Variants in CGGBP1 observed in about 807,000 individuals in gnomAD.
CGGBP1 encodes the protein CGG triplet repeat-binding protein 1.
Under a neutral mutation model 11.4 loss-of-function variants are expected in CGGBP1, and 4 were observed. The observed-to-expected ratio is 0.35, with a 90% confidence interval of 0.17 to 0.80. CGGBP1 has a LOEUF of 0.80. Ranked by LOEUF, CGGBP1 falls within the 30% of genes least tolerant of loss-of-function variation. The pLI is 0.52. For missense variants in CGGBP1, 135 were observed against 202.1 expected (o/e 0.67, Z 2.01); for synonymous variants, 76 against 74.1 (o/e 1.03, Z -0.13).
At chr3:88,132,635 G>A (rs1192856873) in intron 2 of CGGBP1, among the ~76,000 whole-genome samples, 2 of 152,136 alleles carry the variant, frequency 1.3e-5, no homozygotes, top group East Asian at 1.9e-4. Flanking sequence ...AATCCATAGT[G>A]GTAGTCTTCT....
At chr3:88,099,528 A>C (rs1704275636) in intron 2 of CGGBP1, among the ~76,000 whole-genome samples, 1 of 147,348 alleles carries the variant, frequency 6.8e-6, no homozygotes, top group East Asian at 2.1e-4. Context: ...AGACAATCCT[A>C]AGCCAAAGAA....
At chr3:88,095,451 A>G (rs755287986) in intron 2 of CGGBP1, 2 of 363,456 alleles carry the variant, frequency 5.5e-6, no homozygotes, top group South Asian at 2.2e-5. Flanking sequence ...TGTATCCTCA[A>G]GGTACGCATG....
chr3:88,123,740 G>A (rs557498222), intron 2 of CGGBP1, among the ~76,000 whole-genome samples: 1 of 152,268 alleles, frequency 6.6e-6, no homozygotes, highest in East Asian at 1.9e-4. Flanking sequence ...TAGAAAGATG[G>A]ATTGTCCCAG....
In CGGBP1 at chr3:88,123,079, A is replaced by G. The variant is rs138576347; in HGVS notation, c.-229+17891T>C. Among the ~76,000 whole-genome samples the G allele has an allele frequency of 8.7e-4, 133 of 152,090 alleles. 2 individuals carry two copies. Among genetic ancestry groups the G allele is most frequent in the Admixed American group, 7.6e-3 (116 of 15,264 alleles). Reference sequence around the variant, plus strand: ...GTGTATATATACCCTAGGAGAGAATAAGTTGTGCATTCTACAGTAATTTAA... The same window carrying G: ...GTGTATATATACCCTAGGAGAGAATGAGTTGTGCATTCTACAGTAATTTAA... On this transcript the variant is annotated intron_variant, in intron 2 of 3. Coordinates refer to the CGGBP1 transcript ENST00000462901.
At chr3:88,141,854 C>T in intron 1 of CGGBP1, 1 of 409,082 alleles carries the variant, frequency 2.4e-6, no homozygotes, top group Admixed American at 4.2e-5. Flanking sequence ...TATAAAACTC[C>T]CAAAGTACCA....
chr3:88,144,680 T>G (rs1707271967), intron 1 of CGGBP1: 1 of 152,420 alleles, frequency 6.6e-6, no homozygotes, highest in Non-Finnish European at 1.5e-5. Flanking sequence ...CAATTTTATG[T>G]AGTATATTGC....
At chr3:88,125,197 A>G (rs1171059805) in intron 2 of CGGBP1, among the ~76,000 whole-genome samples, 2 of 151,776 alleles carry the variant, frequency 1.3e-5, no homozygotes, top group Non-Finnish European at 2.9e-5. Flanking sequence ...CCTGGGCATC[A>G]AAGTTAAGAC....
At chr3:88,140,840 T>C (rs1707083056) in intron 2 of CGGBP1, 11 of 1,613,742 alleles carry the variant, frequency 6.8e-6, no homozygotes, top group Non-Finnish European at 9.3e-6. Context: ...GTTACCTTGA[T>C]GAACGGTATC....
At chr3:88,146,271 C>A (rs907669845) in intron 1 of CGGBP1, among the ~76,000 whole-genome samples, 5 of 152,030 alleles carry the variant, frequency 3.3e-5, no homozygotes, top group Admixed American at 1.3e-4. Context: ...CAATAAAGTT[C>A]TTTGTATTTC....
chr3:88,134,447 G>T (rs142111943), intron 2 of CGGBP1, among the ~76,000 whole-genome samples: 81 of 151,930 alleles, frequency 5.3e-4, no homozygotes, highest in Non-Finnish European at 8.8e-4. Context: ...CATATGATTT[G>T]CCTTTGCCTA....
intron 2 of CGGBP1, chr3:88,140,451 A>G (rs779021430): frequency 6.2e-7 from 1 of 1,613,696 alleles, no homozygotes. Flanking sequence ...AAAGACATGT[A>G]TAGAAAGTAT....
intron 2 of CGGBP1, among the ~76,000 whole-genome samples, chr3:88,127,866 C>T (rs1433837335): frequency 6.6e-6 from 1 of 152,076 alleles, no homozygotes; most frequent in East Asian, 1.9e-4. Flanking sequence ...AGGGGAAAGA[C>T]CAGAGTGAAG....
At chr3:88,098,717 C>T (rs1323614702) in intron 2 of CGGBP1, among the ~76,000 whole-genome samples, 4 of 152,058 alleles carry the variant, frequency 2.6e-5, no homozygotes, top group Non-Finnish European at 5.9e-5. Context: ...ATAAACAGAA[C>T]CAAAGACAAA....
rs762327231 is a variant in CGGBP1 at position 88,139,623 on chromosome 3, G to A, written c.-229+1347C>T. 5 of 1,613,596 alleles carry A rather than the reference G, an allele frequency of 3.1e-6. No homozygotes were observed. The South Asian group carries it at 5.5e-5, about 18-fold the overall frequency. On this transcript the variant is annotated intron_variant, in intron 2 of 3. Coordinates refer to the CGGBP1 transcript ENST00000462901. ...TACTGCTTCTAGTGAAGGAAACAAA[G>A]AAGTCATCCCTGAGCATGTGGCTGA...
chr3:88,130,067 A>T (rs1369827746), intron 2 of CGGBP1, among the ~76,000 whole-genome samples: 1 of 152,220 alleles, frequency 6.6e-6, no homozygotes, highest in African/African-American at 2.4e-5. Context: ...GTGGTTTGAA[A>T]TTAAATTTTA....
upstream of CGGBP1, among the ~76,000 whole-genome samples, chr3:88,060,839 C>T (rs1337675851): frequency 2.0e-5 from 3 of 151,720 alleles, no homozygotes; most frequent in Non-Finnish European, 4.4e-5. Flanking sequence ...AATTCCCTTA[C>T]AAGCATTGAA....
chr3:88,098,288 T>C (rs889967224), intron 2 of CGGBP1, among the ~76,000 whole-genome samples: 11 of 152,244 alleles, frequency 7.2e-5, no homozygotes, highest in African/African-American at 2.6e-4. Flanking sequence ...CAGGAAGAAG[T>C]TGAATCTCTG....
chr3:88,130,527 C>T (rs2107840907), intron 2 of CGGBP1, among the ~76,000 whole-genome samples: 1 of 152,056 alleles, frequency 6.6e-6, no homozygotes, highest in East Asian at 1.9e-4. Flanking sequence ...TCATGGCTCA[C>T]TGCAGCCTCA....
intron 2 of CGGBP1, among the ~76,000 whole-genome samples, chr3:88,085,535 T>A (rs1241620907): frequency 6.6e-6 from 1 of 152,196 alleles, no homozygotes; most frequent in African/African-American, 2.4e-5. Context: ...ATGATGGATT[T>A]TGTTAATATA....
Sources: allele counts gnomAD v4.1 joint callset (sites outside exome capture counted in the v4.1 genomes callset), GRCh38; gene constraint gnomAD v4.1.1; transcripts MANE v1.5; gene names NCBI Gene and HGNC (gene_info 2026-07-23, HGNC 2026-07-21).